The following GALNTL6 variants were observed in gnomAD, a reference collection of about 807,000 sequenced individuals.
GALNTL6 encodes polypeptide N-acetylgalactosaminyltransferase-like 6.
Under a neutral mutation model 73.7 loss-of-function variants are expected in GALNTL6, and 46 were observed. The observed-to-expected ratio is 0.62, with a 90% confidence interval of 0.49 to 0.80. The LOEUF (loss-of-function observed/expected upper bound fraction) is 0.80, where lower values mean the gene tolerates loss of function less well. GALNTL6 is among the 30% of genes least tolerant of loss of function. The pLI is 0.00. For missense variants in GALNTL6, 604 were observed against 755.0 expected (o/e 0.80, Z 2.34); for synonymous variants, 259 against 263.7 (o/e 0.98, Z 0.17).
At chr4:172,801,265 C>T (rs1056224682) in intron 5 of GALNTL6, among the ~76,000 whole-genome samples, 1 of 152,114 alleles carries the variant, frequency 6.6e-6, no homozygotes, top group South Asian at 2.1e-4. Context: ...GTTGTTTAGC[C>T]TATTACCAAA....
Position 172,147,081 on chromosome 4 carries a change from A to C in GALNTL6, c.139-82575A>C, listed in dbSNP as rs956326259. On this transcript the variant is annotated intron_variant, in intron 2 of 12. Coordinates refer to ENST00000506823, the MANE Select transcript of GALNTL6 (RefSeq NM_001034845.3). Reference sequence around the variant, plus strand: ...ATTGTCACTTGCTTTATTGAAAATAAATTTCATTAAGTTCCCATGTCCTGT... The same window carrying C: ...ATTGTCACTTGCTTTATTGAAAATACATTTCATTAAGTTCCCATGTCCTGT... 2.0e-5 allele frequency among the ~76,000 whole-genome samples: 3 copies of C among 152,318 alleles called. No homozygotes were observed. The East Asian group carries it at 5.8e-4, about 29-fold the overall frequency.
intron 5 of GALNTL6, among the ~76,000 whole-genome samples, chr4:172,585,932 G>C (rs1737393922): frequency 6.6e-6 from 1 of 152,138 alleles, no homozygotes; most frequent in African/African-American, 2.4e-5. Context: ...CAGAGCATTA[G>C]AGAAATCCAA....
intron 2 of GALNTL6, among the ~76,000 whole-genome samples, chr4:172,191,310 G>T (rs774785936): frequency 1.3e-5 from 2 of 152,092 alleles, no homozygotes; most frequent in Non-Finnish European, 2.9e-5. Context: ...GGTCTCCATA[G>T]GTAACTGTTT....
intron 2 of GALNTL6, among the ~76,000 whole-genome samples, chr4:171,854,853 T>A (rs1735640520): frequency 6.6e-6 from 1 of 152,200 alleles, no homozygotes; most frequent in Non-Finnish European, 1.5e-5. Flanking sequence ...ACCATCACAT[T>A]GAGGATTAGG....
At chr4:172,828,297 C>A (rs68050765) in intron 7 of GALNTL6, among the ~76,000 whole-genome samples, 16,381 of 145,778 alleles carry the variant, frequency 0.11, 1,160 homozygotes, top group Middle Eastern at 0.23. Context: ...AAGAAACAAA[C>A]AAAAAAAACA....
At chr4:172,963,688 C>T (rs985274243) in intron 10 of GALNTL6, among the ~76,000 whole-genome samples, 2 of 152,230 alleles carry the variant, frequency 1.3e-5, no homozygotes, top group African/African-American at 2.4e-5. Flanking sequence ...CAGTCACTCC[C>T]TCCATGGCCA....
chr4:172,553,952 C>A (rs1736053897), intron 5 of GALNTL6, among the ~76,000 whole-genome samples: 1 of 152,054 alleles, frequency 6.6e-6, no homozygotes, highest in African/African-American at 2.4e-5. Context: ...ATCTCTTGAG[C>A]CCAGGTTTCT....
At chr4:172,306,323 A>T (rs149991955) in intron 3 of GALNTL6, among the ~76,000 whole-genome samples, 2,095 of 152,292 alleles carry the variant, frequency 0.014, 19 homozygotes, top group Non-Finnish European at 0.021. Flanking sequence ...TGGGAGGTGC[A>T]GCTTGCAGTG....
At chr4:171,973,295 A>G (rs1270400645) in intron 2 of GALNTL6, among the ~76,000 whole-genome samples, 2 of 152,242 alleles carry the variant, frequency 1.3e-5, no homozygotes, top group African/African-American at 4.8e-5. Context: ...ATAAGGAAGT[A>G]CCACAAACTA....
intron 5 of GALNTL6, among the ~76,000 whole-genome samples, chr4:172,544,012 A>G (rs976715281): frequency 1.3e-5 from 2 of 152,202 alleles, no homozygotes; most frequent in African/African-American, 4.8e-5. Context: ...AAAATAGAGA[A>G]GTAAAGACAT....
At chr4:172,821,618 T>G (rs1741934241) in intron 7 of GALNTL6, among the ~76,000 whole-genome samples, 2 of 152,222 alleles carry the variant, frequency 1.3e-5, no homozygotes, top group Non-Finnish European at 2.9e-5. Flanking sequence ...GCTTCTGGTC[T>G]GTTTATAACA....
intron 5 of GALNTL6, among the ~76,000 whole-genome samples, chr4:172,698,211 T>G (rs1032826164): frequency 2.0e-5 from 3 of 152,056 alleles, no homozygotes; most frequent in African/African-American, 7.2e-5. Flanking sequence ...TTTGACTGAT[T>G]GGAGTGAGGC....
At chr4:171,960,352 C>T (rs956907234) in intron 2 of GALNTL6, among the ~76,000 whole-genome samples, 1 of 152,140 alleles carries the variant, frequency 6.6e-6, no homozygotes, top group Non-Finnish European at 1.5e-5. Flanking sequence ...TCTCGGCTCA[C>T]TGCAACCTCT....
At chr4:172,451,505 A>G (rs1375253230) in intron 5 of GALNTL6, among the ~76,000 whole-genome samples, 6 of 152,180 alleles carry the variant, frequency 3.9e-5, no homozygotes, top group South Asian at 4.1e-4. Context: ...AAGAGATTCT[A>G]GAGGTTGATA....
At chr4:172,066,992 T>G (rs1476182753) in intron 2 of GALNTL6, among the ~76,000 whole-genome samples, 2 of 151,990 alleles carry the variant, frequency 1.3e-5, no homozygotes, top group African/African-American at 4.8e-5. Context: ...TACACCTATC[T>G]GCCTGCCTTC....
intron 5 of GALNTL6, among the ~76,000 whole-genome samples, chr4:172,727,220 A>C (rs1273071622): frequency 1.3e-5 from 2 of 152,184 alleles, no homozygotes; most frequent in Non-Finnish European, 2.9e-5. Context: ...TGGCCACTCT[A>C]CTGTTTTAAG....
chr4:171,968,798 T>A (rs1205974832), intron 2 of GALNTL6, among the ~76,000 whole-genome samples: 2 of 150,108 alleles, frequency 1.3e-5, no homozygotes, highest in Non-Finnish European at 3.0e-5. Context: ...ATGTTCCACC[T>A]TCGCAATCGC....
intron 2 of GALNTL6, among the ~76,000 whole-genome samples, chr4:172,216,995 A>C (rs1174778805): frequency 6.6e-6 from 1 of 152,160 alleles, no homozygotes; most frequent in Non-Finnish European, 1.5e-5. Context: ...AGTTTGTCTA[A>C]AGATCTGGGG....
rs1319910712 is a variant in GALNTL6 at position 172,722,791 on chromosome 4, T to C, written c.554-86570T>C. Among the ~76,000 whole-genome samples the C allele has an allele frequency of 2.0e-5, 3 of 152,172 alleles. No individual in the cohort carries two copies. In the East Asian group the frequency reaches 5.8e-4, roughly 29 times the overall value. ...TTGAATTTGTGAATGAATACAAACT[T>C]TTCCCAGAGCTAACATTAAGGAGAA... is the stretch of plus-strand genomic sequence containing the variant. On this transcript the variant is annotated intron_variant, in intron 5 of 12. Coordinates refer to ENST00000506823, the MANE Select transcript of GALNTL6 (RefSeq NM_001034845.3).
Sources: allele counts gnomAD v4.1 joint callset (sites outside exome capture counted in the v4.1 genomes callset), GRCh38; gene constraint gnomAD v4.1.1; transcripts MANE v1.5; gene names NCBI Gene and HGNC (gene_info 2026-07-23, HGNC 2026-07-21).